Variants in FAM163A observed in about 807,000 individuals in gnomAD.
FAM163A encodes the protein protein FAM163A.
FAM163A carries 7 observed loss-of-function variants against 12.0 expected under a neutral mutation model. The observed-to-expected ratio is 0.58, with a 90% CI of 0.33 to 1.10. FAM163A has a LOEUF of 1.10. Ranked by LOEUF, FAM163A falls within the 50% of genes least tolerant of loss-of-function variation. FAM163A has a pLI of 0.03. For missense variants in FAM163A, 202 were observed against 218.6 expected (o/e 0.92, Z 0.48); for synonymous variants, 101 against 91.0 (o/e 1.11, Z -0.62).
At chr1:179,733,865 T>C in the FAM163A span, among the ~76,000 whole-genome samples, 1 of 152,234 alleles carries the variant, frequency 6.6e-6, no homozygotes, top group Non-Finnish European at 1.5e-5. Flanking sequence ...CTTCTCCCCA[T>C]ATCCCTGTAT....
intron 1 of FAM163A, among the ~76,000 whole-genome samples, chr1:179,744,324 G>C (rs151056097): frequency 0.01 from 1,529 of 152,162 alleles, 11 homozygotes; most frequent in South Asian, 0.019. Context: ...CGGCCCAGAG[G>C]GGGGCCTGGC....
chr1:179,774,566 G>A lies in FAM163A; in HGVS notation c.-136+31143G>A, dbSNP rs114711264. ...CAGTGATACAGAGAGTGGGAGACTGGAGGAGGAGTGCTGAGGGAGTTGAAG... is the reference window on the plus strand; with the variant it reads ...CAGTGATACAGAGAGTGGGAGACTGAAGGAGGAGTGCTGAGGGAGTTGAAG... On this transcript the variant is annotated intron_variant, in intron 1 of 4. Transcript: ENST00000341785. Among the ~76,000 whole-genome samples, 744 of 152,352 alleles carry A rather than the reference G, an allele frequency of 4.9e-3. 7 individuals carry two copies. The highest frequency in any genetic ancestry group is 0.017 in the African/African-American group (717 of 41,582).
intron 2 of FAM163A, among the ~76,000 whole-genome samples, chr1:179,810,006 C>T (rs1406386454): frequency 6.6e-6 from 1 of 152,144 alleles, no homozygotes; most frequent in Non-Finnish European, 1.5e-5. Context: ...CAGCTTGCTG[C>T]CCCCTGGTGG....
Position 179,813,791 on chromosome 1 carries a change from A to G in FAM163A, c.106A>G (p.Lys36Glu). The change falls in exon 5 of 5, where the codon AAG becomes GAG. Residue 36 changes from lysine (K) to glutamate (E), a missense_variant. Lys to Glu is a moderately conservative substitution (Grantham distance 56). Transcript: ENST00000341785. Reference sequence around the variant, plus strand: ...CCCTTCCGCACAGTATTACTGCTGCAAGAAGAGCGGAACCGAGGTTGCAGA... The same window carrying G: ...CCCTTCCGCACAGTATTACTGCTGCGAGAAGAGCGGAACCGAGGTTGCAGA... Reference protein sequence around the residue: ...CYCRLQYYCCKKSGTEVADEE... With the variant: ...CYCRLQYYCCEKSGTEVADEE... The G allele has an allele frequency of 2.5e-6, 4 of 1,613,918 alleles. No homozygotes were observed. Among genetic ancestry groups the G allele is most frequent in the Non-Finnish European group, 3.4e-6 (4 of 1,180,012 alleles).
chr1:179,729,888 T>C, the FAM163A span, among the ~76,000 whole-genome samples: 7 of 152,230 alleles, frequency 4.6e-5, no homozygotes, highest in African/African-American at 1.4e-4. Flanking sequence ...GCTGATAGCA[T>C]GAGAATGGGC....
At chr1:179,739,490 C>A (rs571425781), upstream of FAM163A, among the ~76,000 whole-genome samples, 1 of 152,110 alleles carries the variant, frequency 6.6e-6, no homozygotes, top group Admixed American at 6.5e-5. Flanking sequence ...TGCGGCCCAA[C>A]ACAAATTTTT....
At chr1:179,785,931 G>A (rs142323203) in intron 1 of FAM163A, among the ~76,000 whole-genome samples, 8 of 152,196 alleles carry the variant, frequency 5.3e-5, no homozygotes, top group South Asian at 2.1e-4. Context: ...AGTGAACATC[G>A]AGTTGACATC....
At chr1:179,735,539 T>G in the FAM163A span, among the ~76,000 whole-genome samples, 9 of 143,592 alleles carry the variant, frequency 6.3e-5, no homozygotes, top group Admixed American at 2.8e-4. Flanking sequence ...AGTCTCGTTG[T>G]GTCGCCCAGG....
At chr1:179,756,811 G>A (rs1686087578) in intron 1 of FAM163A, among the ~76,000 whole-genome samples, 5 of 152,176 alleles carry the variant, frequency 3.3e-5, no homozygotes, top group Admixed American at 3.3e-4. Context: ...GTAGTGTCAT[G>A]AATGGTTGAA....
the FAM163A span, among the ~76,000 whole-genome samples, chr1:179,731,337 A>T: frequency 6.6e-6 from 1 of 152,212 alleles, no homozygotes; most frequent in Non-Finnish European, 1.5e-5. Flanking sequence ...GCAGAGGAAG[A>T]AGTGAAGTAG....
intron 1 of FAM163A, among the ~76,000 whole-genome samples, chr1:179,799,684 A>G (rs1208256392): frequency 6.6e-6 from 1 of 152,258 alleles, no homozygotes; most frequent in Admixed American, 6.5e-5. Flanking sequence ...GGAAAGGCAG[A>G]AACAAACAAA....
chr1:179,757,614 C>T (rs1315912969), intron 1 of FAM163A, among the ~76,000 whole-genome samples: 1 of 152,074 alleles, frequency 6.6e-6, no homozygotes, highest in African/African-American at 2.4e-5. Context: ...GAGTTCGAGA[C>T]CAGACTGGCC....
chr1:179,756,107 A>G (rs1239364017), intron 1 of FAM163A, among the ~76,000 whole-genome samples: 1 of 152,198 alleles, frequency 6.6e-6, no homozygotes, highest in Non-Finnish European at 1.5e-5. Context: ...GCAAAATACT[A>G]GATGTGATCC....
upstream of FAM163A, among the ~76,000 whole-genome samples, chr1:179,740,172 T>TTTGTTGTTG (rs58589037): frequency 2.0e-3 from 305 of 151,040 alleles, 1 homozygote; most frequent in South Asian, 5.3e-3. Flanking sequence ...TTATTTGGTT[T>TTTGTTGTTG]TTGTTGTTGT....
rs1426131582 is a variant in FAM163A at position 179,814,957 on chromosome 1, T to G, written c.*768T>G. On this transcript the variant is annotated 3_prime_UTR_variant, in exon 5 of 5. Coordinates refer to ENST00000341785, the MANE Select transcript of FAM163A (RefSeq NM_173509.3). ...GAACCAGCGCCCCCTGCTGGAGAAG[T>G]TTTTTCATTTTGTTAGCCGACTTCT... is the stretch of plus-strand genomic sequence containing the variant. The G allele has an allele frequency of 6.6e-6, 1 of 152,066 alleles. No individual in the cohort carries two copies. The highest frequency in any genetic ancestry group is 1.5e-5 in the Non-Finnish European group (1 of 68,034). 9.4% of individuals were successfully genotyped at this position (152,066 alleles called of 1,614,324 possible). A position where few individuals can be genotyped will look rare whatever the true frequency, so the allele number is the denominator to read the frequency against.
intron 1 of FAM163A, among the ~76,000 whole-genome samples, chr1:179,799,365 T>C (rs1462947928): frequency 6.6e-6 from 1 of 152,200 alleles, no homozygotes; most frequent in Non-Finnish European, 1.5e-5. Flanking sequence ...TCATGCCTCC[T>C]GTGAATGGCC....
intron 1 of FAM163A, among the ~76,000 whole-genome samples, chr1:179,792,755 CTTCA>C (rs1478121246): frequency 6.6e-6 from 1 of 152,100 alleles, no homozygotes; most frequent in South Asian, 2.1e-4. Flanking sequence ...AAAGTCATTT[CTTCA>C]TTCATTCATT....
chr1:179,776,405 C>T (rs1312024524), intron 1 of FAM163A, among the ~76,000 whole-genome samples: 1 of 151,746 alleles, frequency 6.6e-6, no homozygotes, highest in African/African-American at 2.4e-5. Context: ...GCAGGAGAAT[C>T]GCTTAAACCT....
At chr1:179,812,084 T>C (rs755040653) in intron 2 of FAM163A, 26 bp from the exon 3 acceptor site, 2 of 152,596 alleles carry the variant, frequency 1.3e-5, no homozygotes, top group Non-Finnish European at 2.9e-5. Flanking sequence ...TCTTCCAACA[T>C]CTCTGTCCTT....
Sources: allele counts gnomAD v4.1 joint callset (sites outside exome capture counted in the v4.1 genomes callset), GRCh38; gene constraint gnomAD v4.1.1; transcripts MANE v1.5; gene names NCBI Gene and HGNC (gene_info 2026-07-23, HGNC 2026-07-21).